COL5A2: variants seen among roughly 807,000 people sequenced by gnomAD.
COL5A2 encodes collagen type V alpha 2 chain.
A neutral mutation model predicts 208.2 loss-of-function variants in COL5A2; 23 were observed. The observed-to-expected ratio is 0.11, with a 90% CI of 0.08 to 0.16. The LOEUF is 0.16. Ranked by LOEUF, COL5A2 falls within the 10% of genes least tolerant of loss-of-function variation. The pLI is 1.00. For missense variants in COL5A2, 1,590 were observed against 1,956.4 expected, an observed-to-expected ratio of 0.81 and a Z score of 3.53; for synonymous variants, 625 against 628.5, an observed-to-expected ratio of 0.99 and a Z score of 0.08.
the COL5A2 span, among the ~76,000 whole-genome samples, chr2:189,265,333 G>C: frequency 6.6e-6 from 1 of 151,878 alleles, no homozygotes; most frequent in Non-Finnish European, 1.5e-5. Context: ...AGGTGTCAGC[G>C]GAGCCATATT....
intron 1 of COL5A2, among the ~76,000 whole-genome samples, chr2:189,173,773 A>T (rs1360310040): frequency 6.6e-6 from 1 of 152,210 alleles, no homozygotes; most frequent in African/African-American, 2.4e-5. Flanking sequence ...TCATGGATAT[A>T]AATAATAAAA....
the COL5A2 span, chr2:189,311,186 C>G: frequency 1.0e-5 from 9 of 882,276 alleles, no homozygotes; most frequent in Non-Finnish European, 1.6e-5. Context: ...AAAATGTGGC[C>G]AGACTATTTT....
In COL5A2 at chr2:189,042,734, G is replaced by A; in HGVS notation, c.3511C>T (p.Pro1171Ser). The A allele has an allele frequency of 6.2e-7, 1 of 1,608,000 alleles. No homozygotes were observed. The highest frequency in any genetic ancestry group is 8.5e-7 in the Non-Finnish European group (1 of 1,176,546). ...TTGTTACTTACTCTTGGGCCAAATG[G>A]TCCAGGGATTCCAGCACTTCCTTGT... Reference protein sequence around the residue: ...GEQGSAGIPGPFGPRGPPGPV... With the variant: ...GEQGSAGIPGSFGPRGPPGPV... Residue 1171 changes from proline (P) to serine (S), a missense_variant, in exon 49 of 54, where the codon CCA becomes TCA. Pro to Ser is a moderately conservative substitution (Grantham distance 74, BLOSUM62 -1). Coordinates refer to ENST00000374866, the MANE Select transcript of COL5A2 (RefSeq NM_000393.5).
the COL5A2 span, among the ~76,000 whole-genome samples, chr2:189,313,850 G>A: frequency 6.6e-6 from 1 of 152,082 alleles, no homozygotes; most frequent in East Asian, 1.9e-4. Context: ...ATGAAGAAGG[G>A]CATTACATAA....
the COL5A2 span, among the ~76,000 whole-genome samples, chr2:189,397,988 T>C: frequency 6.6e-6 from 1 of 152,122 alleles, no homozygotes; most frequent in African/African-American, 2.4e-5. Flanking sequence ...TGTCATATTT[T>C]TATCAGCATT....
intron 47 of COL5A2, among the ~76,000 whole-genome samples, chr2:189,043,954 G>A (rs1685612495): frequency 6.6e-6 from 1 of 152,174 alleles, no homozygotes; most frequent in Non-Finnish European, 1.5e-5. Flanking sequence ...ACCCAGAGAA[G>A]AGGTGAAAAT....
intron 1 of COL5A2, among the ~76,000 whole-genome samples, chr2:189,143,089 A>G (rs1687966872): frequency 6.6e-6 from 1 of 152,144 alleles, no homozygotes; most frequent in Non-Finnish European, 1.5e-5. Context: ...AGTGTCAGCT[A>G]CTTCATAAGC....
chr2:189,431,852 C>T, the COL5A2 span, among the ~76,000 whole-genome samples: 2 of 152,064 alleles, frequency 1.3e-5, no homozygotes, highest in Admixed American at 6.5e-5. Flanking sequence ...GAGAACACCA[C>T]AAAGATACTC....
At chr2:189,106,091 T>G (rs1312894662) in intron 2 of COL5A2, among the ~76,000 whole-genome samples, 2 of 151,510 alleles carry the variant, frequency 1.3e-5, no homozygotes, top group Admixed American at 1.3e-4. Context: ...AGGATTTGCC[T>G]GATTATTCTT....
intron 1 of COL5A2, among the ~76,000 whole-genome samples, chr2:189,195,503 C>T (rs1688989336): frequency 6.6e-6 from 1 of 152,090 alleles, no homozygotes; most frequent in South Asian, 2.1e-4. Flanking sequence ...GCTCGTATAG[C>T]CAAGACAATC....
the COL5A2 span, among the ~76,000 whole-genome samples, chr2:189,265,454 G>A: frequency 7.9e-5 from 12 of 151,996 alleles, no homozygotes; most frequent in South Asian, 2.1e-4. Flanking sequence ...ATCAAGTGAC[G>A]TTCTCCATGT....
At chr2:189,404,827 T>C in the COL5A2 span, among the ~76,000 whole-genome samples, 2 of 152,346 alleles carry the variant, frequency 1.3e-5, no homozygotes, top group African/African-American at 2.4e-5. Flanking sequence ...TGTTGTTGCA[T>C]GTATGAGTGG....
the COL5A2 span, among the ~76,000 whole-genome samples, chr2:189,287,855 T>A: frequency 6.6e-6 from 1 of 152,166 alleles, no homozygotes; most frequent in African/African-American, 2.4e-5. Context: ...AAGCAGAAAA[T>A]CCACTTTGGT....
chr2:189,189,625 C>T (rs1466190544), intron 1 of COL5A2, among the ~76,000 whole-genome samples: 1 of 152,044 alleles, frequency 6.6e-6, no homozygotes, highest in South Asian at 2.1e-4. Flanking sequence ...GCACTCCAGC[C>T]TGGGTAACAG....
rs531204336 is a variant in COL5A2 at position 189,034,103 on chromosome 2, G to A, written c.4467C>T (p.Phe1489=). The A allele has an allele frequency of 1.5e-5, 24 of 1,613,984 alleles. No homozygotes were observed. Among genetic ancestry groups the A allele is most frequent in the South Asian group, 1.4e-4 (13 of 91,084 alleles). ...AACAAACTGGCCCAATTTCAACGCC[G>A]AATTCCTGGTCTGTGCCGCCAACAT... is the stretch of plus-strand genomic sequence containing the variant. The part of the protein sequence containing the change: ...PVDVGGTDQE[F]GVEIGPVCFV Residue 1489 remains phenylalanine, a synonymous_variant, in exon 54 of 54, where the codon TTC becomes TTT. Transcript: ENST00000374866.
rs1213497519 is a variant in COL5A2, at chr2:189,035,005, C to A, written c.4264G>T (p.Ala1422Ser). 1.2e-6 allele frequency: 2 copies of A among 1,613,908 alleles called. No homozygotes were observed. Residue 1422 changes from alanine to serine, a missense_variant, in exon 53 of 54, where the codon GCT becomes TCT. Physicochemically the swap from Ala to Ser is moderately conservative, Grantham distance 99. Coordinates refer to ENST00000374866, the MANE Select transcript of COL5A2 (RefSeq NM_000393.5). ...MDDQAKNLKK[A>S]VVLKGANDLD... ...TCATTTGCCCCTTTGAGAACCACAGCTTTTTTGAGGTTCTTAGCTTGATCG... is the reference window on the plus strand; with the variant it reads ...TCATTTGCCCCTTTGAGAACCACAGATTTTTTGAGGTTCTTAGCTTGATCG...
chr2:189,366,010 G>T, the COL5A2 span, among the ~76,000 whole-genome samples: 1 of 152,162 alleles, frequency 6.6e-6, no homozygotes, highest in African/African-American at 2.4e-5. Flanking sequence ...TCCTATGATT[G>T]CCTACACTTT....
intron 1 of COL5A2, among the ~76,000 whole-genome samples, chr2:189,136,036 G>T (rs1371166726): frequency 1.3e-5 from 2 of 152,146 alleles, no homozygotes; most frequent in African/African-American, 4.8e-5. Context: ...CTATGTTCAG[G>T]GAGGTGTTAG....
At position 189,150,015 on chromosome 2, in the gene COL5A2, C is replaced by A. The variant is rs927660122; in HGVS notation, c.97+29493G>T. Among the ~76,000 whole-genome samples, 9 of 152,146 alleles carry A rather than the reference C, an allele frequency of 5.9e-5. 1 individual carries two copies. Among genetic ancestry groups the A allele is most frequent in the Non-Finnish European group, 8.8e-5 (6 of 68,020 alleles). On this transcript the variant is annotated intron_variant, in intron 1 of 53. Transcript: ENST00000374866. ...TGGTACAATGCAAGGGCTTTAAAAT[C>A]TCTCTGTGAAGTGTATTTTATGTGA...
Sources: allele counts gnomAD v4.1 joint callset (sites outside exome capture counted in the v4.1 genomes callset), GRCh38; gene constraint gnomAD v4.1.1; transcripts MANE v1.5; gene names NCBI Gene and HGNC (gene_info 2026-07-23, HGNC 2026-07-21).